ENPP1: variants seen among roughly 807,000 people sequenced by gnomAD.
ENPP1 encodes the protein ectonucleotide pyrophosphatase/phosphodiesterase 1.
Under a neutral mutation model 122.8 loss-of-function variants are expected in ENPP1, and 73 were observed. That is an observed-to-expected ratio of 0.59 (90% CI 0.49 to 0.72). The LOEUF is 0.72. Among genes scored for constraint, ENPP1 ranks in the 30% least tolerant of loss-of-function variants. The pLI is 0.00. For synonymous variants in ENPP1, 367 were observed against 391.6 expected (o/e 0.94, Z 0.74); for missense variants, 978 against 1,128.1 (o/e 0.87, Z 1.91).
chr6:131,835,906 T>C, intron 1 of ENPP1, among the ~76,000 whole-genome samples: 1 of 152,304 alleles, frequency 6.6e-6, no homozygotes, highest in East Asian at 1.9e-4. Context: ...TAAAAAAATA[T>C]ACTTGTGATT....
intron 1 of ENPP1, among the ~76,000 whole-genome samples, chr6:131,830,342 G>A (rs1195758992): frequency 4.6e-5 from 7 of 152,194 alleles, no homozygotes; most frequent in Non-Finnish European, 1.5e-5. Flanking sequence ...AGTGGTCCAG[G>A]AGGGGGCAAG....
chr6:131,842,353 T>C (rs368017860), intron 1 of ENPP1, among the ~76,000 whole-genome samples: 3 of 152,228 alleles, frequency 2.0e-5, no homozygotes, highest in Admixed American at 2.0e-4. Flanking sequence ...GTATATATGG[T>C]CACCACTATG....
chr6:131,828,272 T>C (rs1311081697), intron 1 of ENPP1: 2 of 540,510 alleles, frequency 3.7e-6, no homozygotes, highest in East Asian at 4.9e-5. Flanking sequence ...AACCCTGCTC[T>C]GTGTCAGCTG....
chr6:131,876,204 G>A (rs1206574973), intron 17 of ENPP1, among the ~76,000 whole-genome samples: 1 of 152,208 alleles, frequency 6.6e-6, no homozygotes, highest in Non-Finnish European at 1.5e-5. Context: ...ATTGAGGGCA[G>A]TGAAAGGTGG....
At position 131,875,858 on chromosome 6, in the gene ENPP1, T is replaced by G; in HGVS notation, c.1718T>G (p.Met573Arg). Reference sequence around the variant, plus strand: ...GAAAACATTGAAGTCTATAACTTAATGTGTGGTAAGTGTGAACAGGTGCCT... The same window carrying G: ...GAAAACATTGAAGTCTATAACTTAAGGTGTGGTAAGTGTGAACAGGTGCCT... ...TFENIEVYNL[M>R]CDLLNLTPAP... The change falls in exon 17 of 25, where the codon ATG becomes AGG. Residue 573 changes from methionine (M) to arginine (R), a missense_variant. By Grantham distance (91) the Met-to-Arg change is moderately conservative. Transcript: ENST00000647893. The G allele has an allele frequency of 6.2e-7, 1 of 1,611,918 alleles. No individual in the cohort carries two copies. Among genetic ancestry groups the G allele is most frequent in the Non-Finnish European group, 8.5e-7 (1 of 1,177,982 alleles).
intron 1 of ENPP1, among the ~76,000 whole-genome samples, chr6:131,810,131 G>C (rs1292182907): frequency 1.4e-4 from 21 of 152,158 alleles, no homozygotes; most frequent in Admixed American, 1.4e-3. Context: ...AGTTGAGGCG[G>C]TTCCATTGCT....
intron 1 of ENPP1, among the ~76,000 whole-genome samples, chr6:131,844,064 A>C (rs1434640022): frequency 1.3e-5 from 2 of 152,196 alleles, no homozygotes; most frequent in Non-Finnish European, 2.9e-5. Context: ...TTATTGTATA[A>C]GTAAAATATG....
At chr6:131,860,573 C>G in intron 8 of ENPP1, 67 bp downstream of exon 8, 3 of 1,264,956 alleles carry the variant, frequency 2.4e-6, no homozygotes, top group South Asian at 2.5e-5. Context: ...AGTAAAATAA[C>G]CAGATTCTCT....
intron 1 of ENPP1, among the ~76,000 whole-genome samples, chr6:131,812,031 G>T (rs1210984803): frequency 6.6e-6 from 1 of 152,098 alleles, no homozygotes; most frequent in Admixed American, 6.5e-5. Context: ...GGATTGGATT[G>T]AAAAATAAGG....
intron 20 of ENPP1, among the ~76,000 whole-genome samples, chr6:131,881,902 C>T (rs1016466253): frequency 2.6e-5 from 4 of 152,036 alleles, no homozygotes; most frequent in African/African-American, 9.7e-5. Context: ...GCCTGTAGTC[C>T]CAGCTACTCG....
intron 1 of ENPP1, among the ~76,000 whole-genome samples, chr6:131,837,170 CA>C (rs1247227201): frequency 2.1e-5 from 2 of 96,820 alleles, no homozygotes; most frequent in African/African-American, 7.2e-5. Flanking sequence ...TTCCTGTTGT[CA>C]TTGTGTGTGT....
chr6:131,860,969 TA>T (rs572802992), intron 8 of ENPP1, among the ~76,000 whole-genome samples: 3 of 152,164 alleles, frequency 2.0e-5, no homozygotes, highest in African/African-American at 4.8e-5. Flanking sequence ...TGCCACAATT[TA>T]AAAAAATTTT....
At chr6:131,874,701 G>A (rs1191828954) in intron 16 of ENPP1, among the ~76,000 whole-genome samples, 1 of 151,686 alleles carries the variant, frequency 6.6e-6, no homozygotes, top group Non-Finnish European at 1.5e-5. Flanking sequence ...TCTACCCAAA[G>A]GAAAAAAAAT....
intron 1 of ENPP1, among the ~76,000 whole-genome samples, chr6:131,835,623 T>C (rs1205075640): frequency 6.6e-6 from 1 of 152,202 alleles, no homozygotes; most frequent in East Asian, 1.9e-4. Context: ...GTTTGTTTCA[T>C]AGGTGAACAT....
At chr6:131,827,519 G>A (rs1369413315) in intron 1 of ENPP1, 1 of 623,520 alleles carries the variant, frequency 1.6e-6, no homozygotes, top group East Asian at 2.8e-5. Context: ...CACACTGGTA[G>A]GCTTATATCC....
chr6:131,872,614 G>C (rs543343814), intron 14 of ENPP1, among the ~76,000 whole-genome samples: 22 of 152,050 alleles, frequency 1.4e-4, no homozygotes, highest in Non-Finnish European at 3.1e-4. Flanking sequence ...GTGACACTGA[G>C]TTCTGGGGCT....
intron 17 of ENPP1, among the ~76,000 whole-genome samples, chr6:131,876,075 A>C (rs1782227462): frequency 1.3e-5 from 2 of 152,146 alleles, no homozygotes; most frequent in African/African-American, 2.4e-5. Flanking sequence ...CTTGCTGGTT[A>C]AAGTACACCA....
intron 15 of ENPP1, 54 bp downstream of exon 15, chr6:131,873,104 G>A: frequency 6.3e-7 from 1 of 1,581,892 alleles, no homozygotes; most frequent in African/African-American, 1.3e-5. Context: ...AGTGATTCAG[G>A]GTAACCATTG....
chr6:131,842,341 G>A (rs1324842079), intron 1 of ENPP1, among the ~76,000 whole-genome samples: 4 of 152,154 alleles, frequency 2.6e-5, no homozygotes, highest in Non-Finnish European at 5.9e-5. Context: ...AAGCACCATG[G>A]CGTATATATG....
Sources: allele counts gnomAD v4.1 joint callset (sites outside exome capture counted in the v4.1 genomes callset), GRCh38; gene constraint gnomAD v4.1.1; transcripts MANE v1.5; gene names NCBI Gene and HGNC (gene_info 2026-07-23, HGNC 2026-07-21).